Variants in SGCD observed in about 807,000 individuals in gnomAD.
The protein encoded by SGCD is sarcoglycan delta.
A neutral mutation model predicts 36.6 loss-of-function variants in SGCD; 18 were observed. That is an observed-to-expected ratio of 0.49 (90% CI 0.34 to 0.73). SGCD has a LOEUF of 0.73. SGCD is among the 30% of genes least tolerant of loss of function. The probability of loss-of-function intolerance (pLI) is 0.01; values close to 1 mark genes in which losing one functional copy is unlikely to be tolerated. For missense variants in SGCD, 387 were observed against 346.7 expected, an observed-to-expected ratio of 1.12 and a Z score of -0.92; for synonymous variants, 133 against 130.6, an observed-to-expected ratio of 1.02 and a Z score of -0.12.
intron 3 of SGCD, among the ~76,000 whole-genome samples, chr5:156,468,112 G>A (rs893064809): frequency 1.3e-5 from 2 of 152,152 alleles, no homozygotes; most frequent in Non-Finnish European, 2.9e-5. Context: ...ACTTCAGGCA[G>A]CCAAGATGGG....
chr5:155,996,925 G>A (rs62380696), intron 1 of SGCD, among the ~76,000 whole-genome samples: 17 of 141,014 alleles, frequency 1.2e-4, no homozygotes, highest in African/African-American at 3.7e-4. Flanking sequence ...AGACAGGCAG[G>A]CAGACAGACA....
the SGCD span, among the ~76,000 whole-genome samples, chr5:155,750,318 G>GAATGTAC: frequency 6.6e-6 from 1 of 152,108 alleles, no homozygotes; most frequent in Non-Finnish European, 1.5e-5. Flanking sequence ...ATTGTTCTAC[G>GAATGTAC]AATGTACAGA....
intron 3 of SGCD, among the ~76,000 whole-genome samples, chr5:156,255,895 T>C (rs1024683176): frequency 6.6e-6 from 1 of 152,084 alleles, no homozygotes; most frequent in Non-Finnish European, 1.5e-5. Flanking sequence ...TTGTTTTACA[T>C]CTTTTTTCTA....
intron 2 of SGCD, among the ~76,000 whole-genome samples, chr5:156,330,783 G>T (rs1448538623): frequency 6.6e-6 from 1 of 152,196 alleles, no homozygotes; most frequent in Non-Finnish European, 1.5e-5. Flanking sequence ...AAAATGGAAG[G>T]TGGTATCATC....
rs183497654 is a variant in SGCD at position 156,272,192 on chromosome 5, T to A, written c.-43-57342T>A. Among the ~76,000 whole-genome samples, 562 of 152,194 alleles carry A rather than the reference T, an allele frequency of 3.7e-3. 4 individuals carry two copies. Among genetic ancestry groups the A allele is most frequent in the African/African-American group, 0.013 (538 of 41,536 alleles). ...CTCAATCTTCCCCCCACTCTGTGAG[T>A]CCCCAAGTTCCATTATATTGTGCCT... On this transcript the variant is annotated intron_variant, in intron 3 of 9. Coordinates refer to the SGCD transcript ENST00000517913.
intron 3 of SGCD, among the ~76,000 whole-genome samples, chr5:156,464,014 T>A (rs1754611895): frequency 6.6e-6 from 1 of 152,042 alleles, no homozygotes; most frequent in Non-Finnish European, 1.5e-5. Context: ...AAAACAAATT[T>A]TAGCTAAATT....
At chr5:156,008,937 T>C (rs1226526588) in intron 1 of SGCD, among the ~76,000 whole-genome samples, 1 of 152,206 alleles carries the variant, frequency 6.6e-6, no homozygotes, top group Admixed American at 6.5e-5. Context: ...ACAAGAGTCA[T>C]ATTTTAATGC....
At chr5:155,984,854 C>A (rs918522903) in intron 1 of SGCD, among the ~76,000 whole-genome samples, 3 of 152,170 alleles carry the variant, frequency 2.0e-5, no homozygotes, top group African/African-American at 4.8e-5. Flanking sequence ...ATTGCATATG[C>A]ATTTATGTAA....
At chr5:155,796,601 T>A in the SGCD span, among the ~76,000 whole-genome samples, 1 of 151,648 alleles carries the variant, frequency 6.6e-6, no homozygotes, top group Non-Finnish European at 1.5e-5. Context: ...GTCGGGAGTT[T>A]GAGACCAGCC....
intron 3 of SGCD, among the ~76,000 whole-genome samples, chr5:156,259,966 T>C (rs1244572894): frequency 6.6e-6 from 1 of 152,252 alleles, no homozygotes; most frequent in African/African-American, 2.4e-5. Context: ...CATTTTTTTA[T>C]AATTCATTTC....
intron 4 of SGCD, among the ~76,000 whole-genome samples, chr5:156,535,379 C>T (rs1325147203): frequency 6.6e-6 from 1 of 152,172 alleles, no homozygotes; most frequent in East Asian, 1.9e-4. Flanking sequence ...CATTACCCTT[C>T]CATTTAAGGG....
the SGCD span, among the ~76,000 whole-genome samples, chr5:155,736,642 C>G: frequency 6.6e-6 from 1 of 152,184 alleles, no homozygotes; most frequent in Non-Finnish European, 1.5e-5. Context: ...TATCTTCTCA[C>G]CTTTTAATGG....
intron 3 of SGCD, among the ~76,000 whole-genome samples, chr5:156,207,242 G>A (rs112126538): frequency 1.3e-4 from 20 of 152,056 alleles, no homozygotes; most frequent in African/African-American, 2.2e-4. Flanking sequence ...CTTGTGACTC[G>A]GTCAATATAA....
intron 3 of SGCD, 34 bp from the exon 4 acceptor site, chr5:156,508,567 A>T (rs780665059): frequency 2.1e-6 from 3 of 1,407,064 alleles, no homozygotes; most frequent in Non-Finnish European, 3.0e-6. Flanking sequence ...TTGGCTAATC[A>T]TATCTTCCTT....
At chr5:156,446,111 T>C (rs1369656179) in intron 3 of SGCD, among the ~76,000 whole-genome samples, 1 of 152,108 alleles carries the variant, frequency 6.6e-6, no homozygotes, top group Admixed American at 6.6e-5. Context: ...ATAGACAAAA[T>C]GGATCATCTG....
upstream of SGCD, among the ~76,000 whole-genome samples, chr5:155,865,510 A>G (rs4444953): frequency 6.6e-6 from 1 of 152,118 alleles, no homozygotes; most frequent in East Asian, 1.9e-4. Context: ...TATTAAGTTA[A>G]AACCAAAAAT....
chr5:156,516,101 G>A (rs1363224404), intron 4 of SGCD, among the ~76,000 whole-genome samples: 1 of 152,222 alleles, frequency 6.6e-6, no homozygotes, highest in Non-Finnish European at 1.5e-5. Flanking sequence ...CTGGCTCTGA[G>A]GAGGCCAGGC....
At chr5:156,280,366 T>C (rs956973208) in intron 3 of SGCD, among the ~76,000 whole-genome samples, 3 of 152,156 alleles carry the variant, frequency 2.0e-5, no homozygotes, top group Admixed American at 6.5e-5. Flanking sequence ...CAATGTACAA[T>C]GAGAATGGAA....
At chr5:156,194,209 C>G (rs537418820) in intron 3 of SGCD, among the ~76,000 whole-genome samples, 9 of 152,134 alleles carry the variant, frequency 5.9e-5, no homozygotes, top group South Asian at 4.1e-4. Flanking sequence ...AACCCCATCT[C>G]TACCACAAAA....
Sources: gnomAD v4.1 joint callset for allele counts (sites outside exome capture counted in the v4.1 genomes callset) on GRCh38, gnomAD v4.1.1 for gene constraint, MANE v1.5 for transcripts, NCBI Gene and HGNC (gene_info 2026-07-23, HGNC 2026-07-21) for gene names.